The following PAPSS1 variants were observed in gnomAD, a reference collection of about 807,000 sequenced individuals.
PAPSS1 encodes the protein bifunctional 3'-phosphoadenosine 5'-phosphosulfate synthase 1.
PAPSS1 carries 50 observed loss-of-function variants against 72.0 expected under a neutral mutation model. That is an observed-to-expected ratio of 0.69 (90% CI 0.55 to 0.88). The LOEUF is 0.88. PAPSS1 is among the 40% of genes least tolerant of loss of function. The pLI, the probability that PAPSS1 is intolerant of heterozygous loss-of-function variation, is 0.00. For missense variants in PAPSS1, 657 were observed against 782.2 expected (o/e 0.84, Z 1.91); for synonymous variants, 261 against 263.6 (o/e 0.99, Z 0.09).
At chr4:107,704,291 A>G (rs1723280795) in intron 1 of PAPSS1, among the ~76,000 whole-genome samples, 1 of 152,248 alleles carries the variant, frequency 6.6e-6, no homozygotes, top group South Asian at 2.1e-4. Context: ...ATCTGCAAAC[A>G]GGAACAATTT....
intron 1 of PAPSS1, among the ~76,000 whole-genome samples, chr4:107,719,176 T>C (rs188784454): frequency 7.8e-6 from 1 of 128,876 alleles, no homozygotes; most frequent in African/African-American, 2.6e-5. Flanking sequence ...AACATTTGCC[T>C]GAAATTGCTT....
intron 1 of PAPSS1, among the ~76,000 whole-genome samples, chr4:107,719,266 T>A (rs1723714507): frequency 6.6e-6 from 1 of 152,060 alleles, no homozygotes; most frequent in Non-Finnish European, 1.5e-5. Context: ...TCCATTGGAC[T>A]GTGAAATAAC....
At position 107,720,203 on chromosome 4, in the gene PAPSS1, CG is replaced by C. The variant is rs1181823026; in HGVS notation, c.-25del. 1 of 1,595,262 alleles carries C rather than the reference CG, an allele frequency of 6.3e-7. No homozygotes were observed. The highest frequency in any genetic ancestry group is 1.7e-5 in the Admixed American group (1 of 58,488). ...ATGACCGCGGAGCGCGCTGAGCAGCCGGGGTTCTCTGCGCCGGGAGGGTAGC... is the reference window on the plus strand; with the variant it reads ...ATGACCGCGGAGCGCGCTGAGCAGCCGGGTTCTCTGCGCCGGGAGGGTAGC... On this transcript the variant is annotated 5_prime_UTR_variant, in exon 1 of 12. Transcript: ENST00000265174.
intron 1 of PAPSS1, among the ~76,000 whole-genome samples, chr4:107,709,996 G>A (rs1466921211): frequency 6.6e-6 from 1 of 152,180 alleles, no homozygotes; most frequent in Non-Finnish European, 1.5e-5. Flanking sequence ...CAAAGTGGTA[G>A]ACTTAGGCCT....
At chr4:107,626,131 T>C (rs1423591286) in intron 11 of PAPSS1, among the ~76,000 whole-genome samples, 1 of 143,242 alleles carries the variant, frequency 7.0e-6, no homozygotes, top group Non-Finnish European at 1.5e-5. Context: ...TGAGCCGAGA[T>C]AGCACCACTG....
chr4:107,672,258 C>G (rs1160320631), intron 5 of PAPSS1, among the ~76,000 whole-genome samples: 1 of 152,186 alleles, frequency 6.6e-6, no homozygotes, highest in Non-Finnish European at 1.5e-5. Context: ...TGAGATGAAG[C>G]AGGGCGAGGC....
chr4:107,698,710 T>C (rs956028883), intron 2 of PAPSS1, among the ~76,000 whole-genome samples: 3 of 152,166 alleles, frequency 2.0e-5, no homozygotes, highest in Non-Finnish European at 4.4e-5. Context: ...GTCCGAGAGT[T>C]AAAAATTTCA....
chr4:107,633,589 G>C (rs568838892), intron 10 of PAPSS1, among the ~76,000 whole-genome samples: 7 of 152,160 alleles, frequency 4.6e-5, no homozygotes, highest in African/African-American at 1.7e-4. Context: ...TATCTGGGGT[G>C]GGGGGTGGTG....
chr4:107,712,082 G>A (rs955170235), intron 1 of PAPSS1, among the ~76,000 whole-genome samples: 7 of 152,126 alleles, frequency 4.6e-5, no homozygotes, highest in African/African-American at 1.4e-4. Flanking sequence ...TACACATTAC[G>A]GCTCTCCAAC....
chr4:107,634,598 A>C (rs1281619767), intron 10 of PAPSS1, among the ~76,000 whole-genome samples: 3 of 152,140 alleles, frequency 2.0e-5, no homozygotes, highest in African/African-American at 7.2e-5. Flanking sequence ...AAACCCAAAG[A>C]AATACATTTC....
chr4:107,632,506 C>T (rs1227487390), intron 10 of PAPSS1, among the ~76,000 whole-genome samples: 2 of 143,364 alleles, frequency 1.4e-5, no homozygotes, highest in African/African-American at 5.2e-5. Flanking sequence ...ATGCCTAATA[C>T]TAGTTAAAAA....
Position 107,685,597 on chromosome 4 carries a change from G to A in PAPSS1, c.550+1442C>T, listed in dbSNP as rs532439780. On this transcript the variant is annotated intron_variant, in intron 4 of 11. Transcript: ENST00000265174. The stretch of plus-strand genomic sequence containing the variant: ...TCTGGTTAAGCAGCCTGATCTTTCT[G>A]AGTCAAGAAAGTAACAGCTTAATGA... Among the ~76,000 whole-genome samples the A allele has an allele frequency of 1.2e-4, 18 of 152,272 alleles. No homozygotes were observed. The South Asian group carries it at 3.5e-3, about 30-fold the overall frequency.
At chr4:107,657,311 G>T (rs956923565) in intron 6 of PAPSS1, among the ~76,000 whole-genome samples, 6 of 152,180 alleles carry the variant, frequency 3.9e-5, no homozygotes, top group African/African-American at 1.4e-4. Flanking sequence ...CATCTGCAGA[G>T]TTTCAAATTC....
chr4:107,636,814 T>C (rs1475228915), intron 10 of PAPSS1, among the ~76,000 whole-genome samples: 3 of 152,186 alleles, frequency 2.0e-5, no homozygotes, highest in Non-Finnish European at 4.4e-5. Flanking sequence ...GAACATGGGC[T>C]ACTAAAAATA....
At chr4:107,661,600 T>C (rs1727183822) in intron 5 of PAPSS1, among the ~76,000 whole-genome samples, 2 of 152,166 alleles carry the variant, frequency 1.3e-5, no homozygotes, top group Admixed American at 6.5e-5. Context: ...GACTATATGA[T>C]TCCAACTACA....
At chr4:107,636,121 C>G (rs899471373) in intron 10 of PAPSS1, among the ~76,000 whole-genome samples, 3 of 152,136 alleles carry the variant, frequency 2.0e-5, no homozygotes, top group African/African-American at 7.2e-5. Flanking sequence ...TGTCAAACAA[C>G]CCAAGCAATT....
intron 4 of PAPSS1, among the ~76,000 whole-genome samples, chr4:107,684,372 T>A (rs889492958): frequency 3.9e-5 from 6 of 152,152 alleles, no homozygotes; most frequent in Non-Finnish European, 8.8e-5. Flanking sequence ...AAGAAGAAAA[T>A]CAAAATATTT....
At chr4:107,714,743 C>T (rs1182547166) in intron 1 of PAPSS1, among the ~76,000 whole-genome samples, 1 of 152,068 alleles carries the variant, frequency 6.6e-6, no homozygotes, top group African/African-American at 2.4e-5. Context: ...CCAGAATTGC[C>T]AAATGCCCCC....
intron 9 of PAPSS1, among the ~76,000 whole-genome samples, chr4:107,647,511 A>G (rs1345049214): frequency 6.6e-6 from 1 of 152,170 alleles, no homozygotes; most frequent in Non-Finnish European, 1.5e-5. Context: ...AAGGCCTTCT[A>G]ACTGTGGCAC....
Sources: gnomAD v4.1 joint callset for allele counts (sites outside exome capture counted in the v4.1 genomes callset) on GRCh38, gnomAD v4.1.1 for gene constraint, MANE v1.5 for transcripts, NCBI Gene and HGNC (gene_info 2026-07-23, HGNC 2026-07-21) for gene names.